Variants in MAST4 observed in about 807,000 individuals in gnomAD.
The protein encoded by MAST4 is microtubule-associated serine/threonine-protein kinase 4.
A neutral mutation model predicts 162.7 loss-of-function variants in MAST4; 89 were observed. The ratio of observed to expected loss-of-function variants is 0.55; its 90% CI spans 0.46 to 0.65. MAST4 has a LOEUF of 0.65. Ranked by LOEUF, MAST4 falls within the 30% of genes least tolerant of loss-of-function variation. The pLI is 0.00. For missense variants in MAST4, 3,153 were observed against 3,374.0 expected (o/e 0.93, Z 1.62); for synonymous variants, 1,479 against 1,361.1 (o/e 1.09, Z -1.91).
chr5:67,087,291 C>T (rs1763346588), intron 5 of MAST4, among the ~76,000 whole-genome samples: 1 of 152,158 alleles, frequency 6.6e-6, no homozygotes, highest in African/African-American at 2.4e-5. Flanking sequence ...GCTTGGTTTG[C>T]CCACCAGAAT....
chr5:67,069,870 C>T (rs1760722935), intron 5 of MAST4, among the ~76,000 whole-genome samples: 1 of 127,220 alleles, frequency 7.9e-6, no homozygotes, highest in Non-Finnish European at 1.7e-5. Context: ...GTTTCGAAGG[C>T]TTTGAGAGAA....
At chr5:66,985,246 G>A (rs947012445) in intron 4 of MAST4, among the ~76,000 whole-genome samples, 19 of 152,128 alleles carry the variant, frequency 1.2e-4, no homozygotes, top group Non-Finnish European at 2.4e-4. Flanking sequence ...CCTTCATTAG[G>A]AGGATATGAA....
intron 27 of MAST4, 147 bp from the exon 28 acceptor site, chr5:67,162,460 A>T: frequency 1.6e-6 from 1 of 637,342 alleles, no homozygotes; most frequent in East Asian, 2.8e-5. Context: ...GGTTTCTAAT[A>T]GGAAAGTGGT....
chr5:66,728,551 TA>T (rs922285748), intron 1 of MAST4, among the ~76,000 whole-genome samples: 1 of 152,166 alleles, frequency 6.6e-6, no homozygotes, highest in African/African-American at 2.4e-5. Flanking sequence ...GTCTAATGAC[TA>T]AAAAAATTTT....
intron 8 of MAST4, 108 bp downstream of exon 8, chr5:67,100,700 A>G (rs763566823): frequency 7.9e-7 from 1 of 1,263,960 alleles, no homozygotes; most frequent in Non-Finnish European, 1.1e-6. Flanking sequence ...CTGACTTGCA[A>G]ACTATTACAA....
At chr5:66,770,161 G>A (rs1312684826) in intron 2 of MAST4, among the ~76,000 whole-genome samples, 2 of 152,146 alleles carry the variant, frequency 1.3e-5, no homozygotes, top group African/African-American at 4.8e-5. Context: ...TCTTCTTCCC[G>A]GTGACAATGC....
At chr5:66,777,794 G>T (rs929428414) in intron 2 of MAST4, among the ~76,000 whole-genome samples, 3 of 152,122 alleles carry the variant, frequency 2.0e-5, no homozygotes, top group Non-Finnish European at 2.9e-5. Flanking sequence ...AGATAAGGCA[G>T]CTGGGGAGAG....
chr5:67,006,179 C>G (rs1352063373), intron 4 of MAST4, among the ~76,000 whole-genome samples: 1 of 152,192 alleles, frequency 6.6e-6, no homozygotes, highest in Non-Finnish European at 1.5e-5. Flanking sequence ...GGTGCACACA[C>G]AAATCACATG....
At position 67,165,254 on chromosome 5, in the gene MAST4, C is replaced by G. The variant is rs568585415; in HGVS notation, c.6075C>G (p.Phe2025Leu). ...CTGTGGGAAGGACCCACCCAGATTT[C>G]TATACACAGACCCAGGCCATGGAGA... is the stretch of plus-strand genomic sequence containing the variant. ...LLSVGRTHPD[F>L]YTQTQAMEKA... Residue 2025 changes from phenylalanine (F) to leucine (L), a missense_variant, in exon 29 of 29, where the codon TTC becomes TTG. Around this residue, in one of 7 missense-constraint regions of MAST4, gnomAD observed 1,644 missense variants for 1,495.0 expected, o/e 1.10. Transcript: ENST00000403625. The G allele has an allele frequency of 1.3e-5, 21 of 1,613,144 alleles. No individual in the cohort carries two copies. The highest frequency in any genetic ancestry group is 6.7e-5 in the Admixed American group (4 of 59,964).
chr5:66,953,130 A>G (rs1744895503), intron 4 of MAST4, among the ~76,000 whole-genome samples: 1 of 152,178 alleles, frequency 6.6e-6, no homozygotes, highest in Non-Finnish European at 1.5e-5. Context: ...GAGCACATAC[A>G]CATTCACCTT....
At chr5:67,078,927 T>TAATATATATATATATATATATA (rs1554093935) in intron 5 of MAST4, among the ~76,000 whole-genome samples, 1 of 84,304 alleles carries the variant, frequency 1.2e-5, no homozygotes, top group Non-Finnish European at 2.1e-5. Flanking sequence ...TATATATATA[T>TAATATATATATATATATATATA]ATATATATAT....
At chr5:66,941,549 A>G (rs73101965) in intron 4 of MAST4, among the ~76,000 whole-genome samples, 2,857 of 152,260 alleles carry the variant, frequency 0.019, 94 homozygotes, top group African/African-American at 0.065. Context: ...TGTGGCTGAT[A>G]TAATCCTCTA....
At chr5:66,856,066 G>A (rs761030294) in intron 3 of MAST4, among the ~76,000 whole-genome samples, 1 of 152,152 alleles carries the variant, frequency 6.6e-6, no homozygotes, top group Non-Finnish European at 1.5e-5. Context: ...AGGCTCAGGT[G>A]GGAGGACTGC....
intron 1 of MAST4, among the ~76,000 whole-genome samples, chr5:66,670,859 G>C (rs1747565575): frequency 1.3e-5 from 2 of 151,836 alleles, no homozygotes; most frequent in South Asian, 4.2e-4. Flanking sequence ...TAGCTTGCCT[G>C]GGACAATCTC....
chr5:66,760,926 A>G (rs1753819420), intron 2 of MAST4, among the ~76,000 whole-genome samples: 2 of 152,242 alleles, frequency 1.3e-5, no homozygotes, highest in African/African-American at 4.8e-5. Flanking sequence ...GAACATCACT[A>G]GTACCTCATG....
chr5:66,857,248 G>A (rs1055758442), intron 3 of MAST4, among the ~76,000 whole-genome samples: 1 of 152,086 alleles, frequency 6.6e-6, no homozygotes, highest in African/African-American at 2.4e-5. Context: ...TTTAAGTGCT[G>A]GTTACTATTT....
intron 5 of MAST4, among the ~76,000 whole-genome samples, chr5:67,084,948 G>A (rs1005890558): frequency 1.3e-5 from 2 of 152,132 alleles, no homozygotes; most frequent in African/African-American, 4.8e-5. Flanking sequence ...TAGTCTAAAT[G>A]TTACATATGA....
At chr5:66,970,186 A>C (rs1747256070) in intron 4 of MAST4, among the ~76,000 whole-genome samples, 1 of 151,742 alleles carries the variant, frequency 6.6e-6, no homozygotes, top group East Asian at 1.9e-4. Context: ...ACTTCCCTCC[A>C]CCCTACCCTT....
chr5:66,757,932 G>T (rs1182217118), intron 1 of MAST4, among the ~76,000 whole-genome samples: 2 of 152,170 alleles, frequency 1.3e-5, no homozygotes, highest in African/African-American at 4.8e-5. Flanking sequence ...ATTTGGTTCT[G>T]CATTTTCTAG....
Sources: allele counts gnomAD v4.1 joint callset (sites outside exome capture counted in the v4.1 genomes callset), GRCh38; gene constraint gnomAD v4.1.1; regional missense constraint gnomAD v4.1.1; transcripts MANE v1.5; gene names NCBI Gene and HGNC (gene_info 2026-07-23, HGNC 2026-07-21).